The following DHRS11 variants were observed in gnomAD, a reference collection of about 807,000 sequenced individuals.
The protein encoded by DHRS11 is dehydrogenase/reductase 11, also known as dehydrogenase/reductase SDR family member 11.
DHRS11 carries 18 observed loss-of-function variants against 30.7 expected under a neutral mutation model. The ratio of observed to expected loss-of-function variants is 0.59; its 90% CI spans 0.41 to 0.87. The LOEUF (loss-of-function observed/expected upper bound fraction) is 0.87. DHRS11 is among the 40% of genes least tolerant of loss of function. The pLI is 0.00. For synonymous variants in DHRS11, 123 were observed against 139.6 expected (o/e 0.88, Z 0.84); for missense variants, 300 against 349.0 (o/e 0.86, Z 1.12).
Position 36,600,779 on chromosome 17 carries a change from C to A in DHRS11, c.*576C>A. The A allele has an allele frequency of 6.5e-6, 1 of 154,778 alleles. No homozygotes were observed. The highest frequency in any genetic ancestry group is 1.4e-5 in the Non-Finnish European group (1 of 69,762). 9.6% of individuals were successfully genotyped at this position (154,778 alleles called of 1,614,324 possible). On this transcript the variant is annotated 3_prime_UTR_variant, in exon 7 of 7. Transcript: ENST00000618403. ...CTGGCCCAGTGGATTTCATGGTGAT[C>A]ATTAAAAAAGAAAAATCGCAACCAA...
chr17:36,599,058 T>C lies in DHRS11; in HGVS notation c.582+8T>C. On this transcript the variant is annotated splice_region_variant and intron_variant, in intron 4 of 6. Coordinates refer to ENST00000618403, the MANE Select transcript of DHRS11 (RefSeq NM_024308.4). ...ACCCACATCCGAGCCACGGTGAGGC[T>C]GTGGCCTAGCCCTGGTGGGCACAGG... 6 of 1,610,528 alleles carry C rather than the reference T, an allele frequency of 3.7e-6. No homozygotes were observed. Among genetic ancestry groups the C allele is most frequent in the Non-Finnish European group, 4.2e-6 (5 of 1,179,828 alleles).
rs1227083456 is a variant in DHRS11, at chr17:36,598,440, G to A, written c.452+183G>A. 8 of 638,504 alleles carry A rather than the reference G, an allele frequency of 1.3e-5. No individual in the cohort carries two copies. The Admixed American group carries it at 2.3e-4, about 18-fold the overall frequency. The allele number at this position is 638,504 out of a possible 1,614,324, so 39.6% of individuals were successfully genotyped here. A position where few individuals can be genotyped will look rare whatever the true frequency, so the allele number is the denominator to read the frequency against. On this transcript the variant is annotated intron_variant, in intron 3 of 6. Coordinates refer to ENST00000618403, the MANE Select transcript of DHRS11 (RefSeq NM_024308.4). ...GTACCAGCCCCTGGTTGGCTGGAAT[G>A]GGCAGCTTAGCCCCTTCCCTCTACA...
Position 36,600,560 on chromosome 17 carries a change from G to A in DHRS11, c.*357G>A. 2 of 439,332 alleles carry A rather than the reference G, an allele frequency of 4.6e-6. No individual in the cohort carries two copies. Among genetic ancestry groups the A allele is most frequent in the East Asian group, 9.6e-5 (2 of 20,920 alleles). The allele number at this position is 439,332 out of a possible 1,614,324, so 27.2% of individuals were successfully genotyped here. On this transcript the variant is annotated 3_prime_UTR_variant, in exon 7 of 7. Coordinates refer to ENST00000618403, the MANE Select transcript of DHRS11 (RefSeq NM_024308.4). ...TCAACGTCTGTGGCTCAGGGCTGGG[G>A]TGGCAGAGGGAGGCCTTCACCTTAT...
chr17:36,592,140 C>CT lies in DHRS11; in HGVS notation c.132dup (p.Val45CysfsTer10). ...CTGAAGGTGGTGGGCTGCGCCCGCACTGTGGGCAACATCGAGGTGAGGCCG... is the reference window on the plus strand; with the variant it reads ...CTGAAGGTGGTGGGCTGCGCCCGCACTTGTGGGCAACATCGAGGTGAGGCCG... On this transcript the variant is annotated frameshift_variant, in exon 1 of 7. Coordinates refer to ENST00000618403, the MANE Select transcript of DHRS11 (RefSeq NM_024308.4). LOFTEE classifies it high-confidence loss of function. This position sits in a 1 kb window ranked among gnomAD's most constrained non-coding sequence, Gnocchi z 4.4. 7.8e-7 allele frequency: 1 copy of CT among 1,283,936 alleles called. No homozygotes were observed. Among genetic ancestry groups the CT allele is most frequent in the Non-Finnish European group, 9.9e-7 (1 of 1,014,924 alleles). 79.5% of individuals were successfully genotyped at this position (1,283,936 alleles called of 1,614,324 possible).
Position 36,595,028 on chromosome 17 carries a change from T to A in DHRS11, c.205T>A (p.Cys69Ser), listed in dbSNP as rs143529065. Residue 69 changes from cysteine (C) to serine (S), a missense_variant, in exon 2 of 7, where the codon TGT becomes AGT. Physicochemically the swap from Cys to Ser is moderately radical, Grantham distance 112. Coordinates refer to ENST00000618403, the MANE Select transcript of DHRS11 (RefSeq NM_024308.4). Reference protein sequence around the residue: ...GYPGTLIPYRCDLSNEEDILS... With the variant: ...GYPGTLIPYRSDLSNEEDILS... The stretch of plus-strand genomic sequence containing the variant: ...CCCCGGGACTTTGATCCCCTACAGA[T>A]GTGACCTATCAAATGAAGAGGACAT... The A allele has an allele frequency of 9.8e-3, 15,866 of 1,614,188 alleles. 92 individuals carry two copies. Among genetic ancestry groups the A allele is most frequent in the Non-Finnish European group, 0.011 (13,473 of 1,180,040 alleles).
At position 36,595,104 on chromosome 17, in the gene DHRS11, G is replaced by T; in HGVS notation, c.281G>T (p.Cys94Phe). ...IRSQHSGVDI[C>F]INNAGLARPD... is the part of the protein sequence containing the mutation. Reference sequence around the variant, plus strand: ...TCTCAGCACAGCGGTGTAGACATCTGCATCAACAATGCTGGCTTGGCCCGG... The same window carrying T: ...TCTCAGCACAGCGGTGTAGACATCTTCATCAACAATGCTGGCTTGGCCCGG... Residue 94 changes from cysteine to phenylalanine, a missense_variant, in exon 2 of 7, where the codon TGC (cysteine) becomes TTC (phenylalanine). Cys to Phe is a radical substitution (Grantham distance 205). Transcript: ENST00000618403. 6.2e-7 allele frequency: 1 copy of T among 1,614,218 alleles called. No homozygotes were observed. The highest frequency in any genetic ancestry group is 8.5e-7 in the Non-Finnish European group (1 of 1,180,046).
chr17:36,593,589 A>G (rs1179833047), intron 1 of DHRS11, among the ~76,000 whole-genome samples: 1 of 152,226 alleles, frequency 6.6e-6, no homozygotes, highest in Admixed American at 6.5e-5. Context: ...CCTACAGAGA[A>G]AACTCCTGTT....
In DHRS11 at chr17:36,598,222, G is replaced by A; in HGVS notation, c.417G>A (p.Arg139=). 1 of 1,614,142 alleles carries A rather than the reference G, an allele frequency of 6.2e-7. No individual in the cohort carries two copies. The highest frequency in any genetic ancestry group is 1.3e-5 in the African/African-American group (1 of 75,044). ...AAGCCTACCAGTCCATGAAGGAGCG[G>A]AATGTGGACGATGGGCACATCATTA... ...TREAYQSMKE[R]NVDDGHIINI... The change falls in exon 3 of 7, where the codon CGG becomes CGA. Residue 139 remains arginine, a synonymous_variant. Coordinates refer to ENST00000618403, the MANE Select transcript of DHRS11 (RefSeq NM_024308.4).
Position 36,599,437 on chromosome 17 carries a change from CTTT to C in DHRS11, c.583-232_583-230del, listed in dbSNP as rs1416380792. 3.3e-5 allele frequency: 19 copies of C among 584,430 alleles called. No individual in the cohort carries two copies. The Admixed American group carries it at 5.6e-4, about 17-fold the overall frequency. 36.2% of individuals were successfully genotyped at this position (584,430 alleles called of 1,614,324 possible). A position where few individuals can be genotyped will look rare whatever the true frequency, so the allele number is the denominator to read the frequency against. ...TCACTTGTGAAAAGGAGATGATGAG[CTTT>C]TCAGGGACACTTTTTTGTAAAACGT... On this transcript the variant is annotated intron_variant, in intron 4 of 6. Coordinates refer to ENST00000618403, the MANE Select transcript of DHRS11 (RefSeq NM_024308.4).
intron 2 of DHRS11, chr17:36,596,702 TG>T (rs2074813707): frequency 4.4e-6 from 2 of 455,860 alleles, no homozygotes; most frequent in South Asian, 3.2e-5. Context: ...TTTCAGGACA[TG>T]GGTTTTCAAC....
In DHRS11 at chr17:36,595,135, C is replaced by T; in HGVS notation, c.312C>T (p.Asp104=). 3 of 1,614,088 alleles carry T rather than the reference C, an allele frequency of 1.9e-6. No individual in the cohort carries two copies. In the South Asian group the frequency reaches 3.3e-5, roughly 18 times the overall value. Residue 104 remains aspartate, a synonymous_variant, in exon 2 of 7, where the codon GAC becomes GAT. Coordinates refer to ENST00000618403, the MANE Select transcript of DHRS11 (RefSeq NM_024308.4). ...CINNAGLARP[D]TLLSGSTSGW... Reference sequence around the variant, plus strand: ...ACAATGCTGGCTTGGCCCGGCCTGACACCCTGCTCTCAGGCAGCACCAGTG... The same window carrying T: ...ACAATGCTGGCTTGGCCCGGCCTGATACCCTGCTCTCAGGCAGCACCAGTG...
chr17:36,591,985 C>T lies in DHRS11; in HGVS notation c.-25C>T. 1 of 1,224,162 alleles carries T rather than the reference C, an allele frequency of 8.2e-7. No individual in the cohort carries two copies. Among genetic ancestry groups the T allele is most frequent in the Non-Finnish European group, 1.0e-6 (1 of 983,064 alleles). 75.8% of individuals were successfully genotyped at this position (1,224,162 alleles called of 1,614,324 possible). A position where few individuals can be genotyped will look rare whatever the true frequency, so the allele number is the denominator to read the frequency against. ...CGACCCCCGTGTCGGGCTAGTCCAGCGAGGCGGACGGGCGGCGTGGGCCCA... is the reference window on the plus strand; with the variant it reads ...CGACCCCCGTGTCGGGCTAGTCCAGTGAGGCGGACGGGCGGCGTGGGCCCA... On this transcript the variant is annotated 5_prime_UTR_variant, in exon 1 of 7. Coordinates refer to ENST00000618403, the MANE Select transcript of DHRS11 (RefSeq NM_024308.4).
Position 36,598,147 on chromosome 17 carries a change from C to T in DHRS11, c.358-16C>T. On this transcript the variant is annotated splice_polypyrimidine_tract_variant and intron_variant, in intron 2 of 6. Coordinates refer to ENST00000618403, the MANE Select transcript of DHRS11 (RefSeq NM_024308.4). The stretch of plus-strand genomic sequence containing the variant: ...GGCCGGAGTGGAGACACCTCATTGC[C>T]CTCCCTGGCCTGCAGGTGAACGTGC... 4 of 1,613,746 alleles carry T rather than the reference C, an allele frequency of 2.5e-6. No individual in the cohort carries two copies. In the South Asian group the frequency reaches 4.4e-5, roughly 18 times the overall value.
At position 36,599,715 on chromosome 17, in the gene DHRS11, C is replaced by T. The variant is rs772519889; in HGVS notation, c.627C>T (p.Leu209=). The part of the protein sequence containing the change: ...GVVETQFAFK[L]HDKDPEKAAA... ...TGGAGACACAATTCGCCTTCAAACT[C>T]CACGACAAGGACCCTGAGAAGGCAG... Residue 209 remains leucine, a synonymous_variant, in exon 5 of 7, where the codon CTC becomes CTT. Coordinates refer to ENST00000618403, the MANE Select transcript of DHRS11 (RefSeq NM_024308.4). 1.2e-6 allele frequency: 2 copies of T among 1,614,164 alleles called. No homozygotes were observed. Among genetic ancestry groups the T allele is most frequent in the Admixed American group, 3.3e-5 (2 of 60,026 alleles).
chr17:36,594,872 C>T, intron 1 of DHRS11, 99 bp from the exon 2 acceptor site: 1 of 1,253,604 alleles, frequency 8.0e-7, no homozygotes, highest in Non-Finnish European at 1.1e-6. Context: ...GCCAAAGGAG[C>T]ATGTTTTATG....
intron 4 of DHRS11, chr17:36,599,286 C>A: frequency 1.5e-6 from 1 of 673,510 alleles, no homozygotes. Flanking sequence ...GGGGGCTGAC[C>A]TGAGGGAAAG....
chr17:36,600,653 T>C lies in DHRS11; in HGVS notation c.*450T>C. ...GCCCCACTGCACCCTCTCCCCCTTA[T>C]CTATCTCCTTCTCGGCTCCCCAGCC... On this transcript the variant is annotated 3_prime_UTR_variant, in exon 7 of 7. Transcript: ENST00000618403. 1 of 222,168 alleles carries C rather than the reference T, an allele frequency of 4.5e-6. No homozygotes were observed. The highest frequency in any genetic ancestry group is 5.3e-5 in the Admixed American group (1 of 18,944). 13.8% of individuals were successfully genotyped at this position (222,168 alleles called of 1,614,324 possible).
At chr17:36,600,073 AC>A (rs1236312443) in intron 6 of DHRS11, 36 bp downstream of exon 6, 1 of 1,613,840 alleles carries the variant, frequency 6.2e-7, no homozygotes, top group South Asian at 1.1e-5. Context: ...CACTGGAGGA[AC>A]CCAACCAGCC....
At chr17:36,593,427 C>T (rs1013552193) in intron 1 of DHRS11, among the ~76,000 whole-genome samples, 15 of 152,174 alleles carry the variant, frequency 9.9e-5, no homozygotes, top group African/African-American at 3.1e-4. Flanking sequence ...TGAGCTCATC[C>T]CTTCTGGTTT....
Sources: allele counts gnomAD v4.1 joint callset (sites outside exome capture counted in the v4.1 genomes callset), GRCh38; gene constraint gnomAD v4.1.1; non-coding constraint Gnocchi (gnomAD v3.1); transcripts MANE v1.5; gene names NCBI Gene and HGNC (gene_info 2026-07-23, HGNC 2026-07-21).